GRK6: variants seen among roughly 807,000 people sequenced by gnomAD.
The protein encoded by GRK6 is G protein-coupled receptor kinase 6.
GRK6 carries 37 observed loss-of-function variants against 80.8 expected under a neutral mutation model. The ratio of observed to expected loss-of-function variants is 0.46; its 90% CI spans 0.35 to 0.60. GRK6 has a LOEUF of 0.60. Ranked by LOEUF, GRK6 falls within the 20% of genes least tolerant of loss-of-function variation. The pLI, the probability that GRK6 is intolerant of heterozygous loss-of-function variation, is 0.00. For synonymous variants in GRK6, 295 were observed against 320.9 expected (o/e 0.92, Z 0.86); for missense variants, 560 against 784.6 (o/e 0.71, Z 3.42).
intron 6 of GRK6, 52 bp downstream of exon 6, chr5:177,433,291 A>T: frequency 6.2e-7 from 1 of 1,613,728 alleles, no homozygotes; most frequent in Non-Finnish European, 8.5e-7. Flanking sequence ...GGGGTTCTTC[A>T]TAGGCCTTGG....
At position 177,428,735 on chromosome 5, in the gene GRK6, A is replaced by G. The variant is rs982258531; in HGVS notation, c.52+1838A>G. 6.6e-6 allele frequency among the ~76,000 whole-genome samples: 1 copy of G among 152,136 alleles called. No individual in the cohort carries two copies. Among genetic ancestry groups the G allele is most frequent in the Non-Finnish European group, 1.5e-5 (1 of 68,008 alleles). On this transcript the variant is annotated intron_variant, in intron 1 of 15. Transcript: ENST00000355472. This position sits in a 1 kb window ranked among gnomAD's most constrained non-coding sequence, Gnocchi z 4.1. ...GCCTGGCCGACCTGCATGACTTTAA[A>G]CATGTCTCTTCTTTCTCAACTTCAG... is the stretch of plus-strand genomic sequence containing the variant.
chr5:177,436,187 A>T lies in GRK6; in HGVS notation c.1172A>T (p.Lys391Met), dbSNP rs1351342998. 2 of 1,614,218 alleles carry T rather than the reference A, an allele frequency of 1.2e-6. No homozygotes were observed. Among genetic ancestry groups the T allele is most frequent in the Admixed American group, 1.7e-5 (1 of 60,036 alleles). Reference sequence around the variant, plus strand: ...TCGCCCTTCCAGCAGAGGAAGAAGAAGATCAAGCGGGAGGAGGTGGAGCGG... The same window carrying T: ...TCGCCCTTCCAGCAGAGGAAGAAGATGATCAAGCGGGAGGAGGTGGAGCGG... The part of the protein sequence containing the change: ...GQSPFQQRKK[K>M]IKREEVERLV... Residue 391 changes from lysine to methionine, a missense_variant, in exon 12 of 16, where the codon AAG becomes ATG. Physicochemically the swap from Lys to Met is moderately conservative, Grantham distance 95 (BLOSUM62 -1). Around this residue, in one of 3 missense-constraint regions of GRK6, gnomAD observed 294 missense variants for 397.4 expected, o/e 0.74. Transcript: ENST00000355472.
intron 6 of GRK6, 34 bp from the exon 7 acceptor site, chr5:177,433,313 C>T (rs1763996164): frequency 1.9e-6 from 3 of 1,613,908 alleles, no homozygotes; most frequent in Non-Finnish European, 1.7e-6. Context: ...CTCTCCTGCT[C>T]AGCCAGCGTT....
rs557116065 is a variant in GRK6 at position 177,431,829 on chromosome 5, A to G, written c.149-166A>G. On this transcript the variant is annotated intron_variant, in intron 2 of 15. Transcript: ENST00000355472. The stretch of plus-strand genomic sequence containing the variant: ...TCTCTGGGCCTCACAGCCCCAAAAC[A>G]GCTGTGCCCACCTGAGGGTTGTGGT... 6.3e-5 allele frequency: 41 copies of G among 652,004 alleles called. No individual in the cohort carries two copies. The African/African-American group carries it at 7.2e-4, about 11-fold the overall frequency. 40.4% of individuals were successfully genotyped at this position (652,004 alleles called of 1,614,324 possible).
At chr5:177,431,916 A>G in intron 2 of GRK6, 79 bp from the exon 3 acceptor site, 1 of 1,268,884 alleles carries the variant, frequency 7.9e-7, no homozygotes, top group Non-Finnish European at 1.1e-6. Flanking sequence ...GTGGGGGCCC[A>G]GGGCCTGGTG....
rs1764150482 is a variant in GRK6, at chr5:177,436,272, T to G, written c.1257T>G (p.Leu419=). ...GCTTTTCCCCGCAGGCCCGCTCACT[T>G]TGCTCACAGGTACGGCAGCTCACAG... ...SERFSPQARS[L]CSQLLCKDPA... The change falls in exon 12 of 16, where the codon CTT becomes CTG. Residue 419 remains leucine, a synonymous_variant. Coordinates refer to ENST00000355472, the MANE Select transcript of GRK6 (RefSeq NM_001004106.3). The G allele has an allele frequency of 1.2e-6, 2 of 1,613,962 alleles. No individual in the cohort carries two copies.
chr5:177,433,118 G>A, intron 5 of GRK6, 29 bp from the exon 6 acceptor site: 4 of 1,592,702 alleles, frequency 2.5e-6, no homozygotes, highest in Non-Finnish European at 3.4e-6. Context: ...GGGGCTGGCG[G>A]GTGAGCTGGG....
At chr5:177,440,668 T>G in intron 13 of GRK6, 32 bp from the exon 14 acceptor site, 2 of 1,611,074 alleles carry the variant, frequency 1.2e-6, no homozygotes, top group Non-Finnish European at 1.7e-6. Context: ...GTGTGTGTGT[T>G]TCCTATCTGA....
upstream of GRK6, chr5:177,426,353 C>T (rs1203238264): frequency 3.3e-5 from 5 of 152,292 alleles, no homozygotes; most frequent in Non-Finnish European, 7.3e-5. Context: ...TATTCGGCCT[C>T]CTGGGCGTGC....
rs757969134 is a variant in GRK6, at chr5:177,433,976, C to T, written c.801C>T (p.Asn267=). The T allele has an allele frequency of 4.8e-5, 77 of 1,612,148 alleles. No individual in the cohort carries two copies. In the Middle Eastern group the frequency reaches 6.6e-4, roughly 14 times the overall value. Reference sequence around the variant, plus strand: ...TGTGCCTGGTGCTGACACTGATGAACGGGGGCGACCTCAAGTTCCACATCT... The same window carrying T: ...TGTGCCTGGTGCTGACACTGATGAATGGGGGCGACCTCAAGTTCCACATCT... ...DALCLVLTLM[N]GGDLKFHIYH... is the part of the protein sequence containing the mutation. Residue 267 remains asparagine (N), a synonymous_variant, in exon 9 of 16, where the codon AAC becomes AAT. Transcript: ENST00000355472.
rs1477979405 is a variant in GRK6 at position 177,433,424 on chromosome 5, C to A, written c.597+14C>A. Reference sequence around the variant, plus strand: ...GGCTTTGGGGAGGTGAGTGGCCAGGCCAGAGCCCCTGGGAGAGTGAATAGG... The same window carrying A: ...GGCTTTGGGGAGGTGAGTGGCCAGGACAGAGCCCCTGGGAGAGTGAATAGG... On this transcript the variant is annotated intron_variant, in intron 7 of 15. Transcript: ENST00000355472. 6.2e-7 allele frequency: 1 copy of A among 1,612,670 alleles called. No individual in the cohort carries two copies. Among genetic ancestry groups the A allele is most frequent in the Non-Finnish European group, 8.5e-7 (1 of 1,179,206 alleles).
chr5:177,434,832 G>C (rs1040275494), intron 9 of GRK6, 70 bp from the exon 10 acceptor site: 11 of 1,560,262 alleles, frequency 7.1e-6, no homozygotes, highest in East Asian at 2.2e-5. Flanking sequence ...CGAGTGAGCT[G>C]GGGGGGCTGG....
At position 177,432,252 on chromosome 5, in the gene GRK6, C is replaced by T. The variant is rs755921293; in HGVS notation, c.281C>T (p.Pro94Leu). Residue 94 changes from proline (P) to leucine (L), a missense_variant, in exon 4 of 16, where the codon CCG becomes CTG. Physicochemically the swap from Pro to Leu is moderately conservative, Grantham distance 98. Transcript: ENST00000355472. Reference protein sequence around the residue: ...LDGVAEYEVTPDDKRKACGRQ... With the variant: ...LDGVAEYEVTLDDKRKACGRQ... The stretch of plus-strand genomic sequence containing the variant: ...CTGCAGGCCGAGTATGAAGTGACCC[C>T]GGATGACAAGCGGAAGGCATGTGGG... The T allele has an allele frequency of 4.3e-5, 70 of 1,613,508 alleles. No homozygotes were observed. Among genetic ancestry groups the T allele is most frequent in the Non-Finnish European group, 4.8e-5 (57 of 1,179,998 alleles).
intron 1 of GRK6, 41 bp downstream of exon 1, chr5:177,426,938 G>A: frequency 1.6e-6 from 2 of 1,273,982 alleles, no homozygotes; most frequent in Admixed American, 3.4e-5. Context: ...GGTGCGTGGA[G>A]CGCGAGTGCG....
At chr5:177,438,243 C>T (rs867452819) in intron 13 of GRK6, among the ~76,000 whole-genome samples, 2 of 152,134 alleles carry the variant, frequency 1.3e-5, no homozygotes, top group Admixed American at 6.5e-5. Context: ...TGGCGCATGC[C>T]TGTAATCCCA....
chr5:177,433,148 C>T lies in GRK6; in HGVS notation c.442C>T (p.Leu148=), dbSNP rs1323317452. Reference sequence around the variant, plus strand: ...GCTGGGCCTGCCTTTCCTCAACAGGCTGACCCACGAGTACCTGAGCGTGGC... The same window carrying T: ...GCTGGGCCTGCCTTTCCTCAACAGGTTGACCCACGAGTACCTGAGCGTGGC... ...CKDLFQELTR[L]THEYLSVAPF... is the part of the protein sequence containing the mutation. Residue 148 remains leucine, a splice_region_variant and synonymous_variant, in exon 6 of 16, where the codon CTG becomes TTG. Transcript: ENST00000355472. The T allele has an allele frequency of 1.2e-6, 2 of 1,613,358 alleles. No individual in the cohort carries two copies. Among genetic ancestry groups the T allele is most frequent in the South Asian group, 2.2e-5 (2 of 91,052 alleles).
In GRK6 at chr5:177,434,914, C is replaced by G. The variant is rs185662112; in HGVS notation, c.942C>G (p.Pro314=). The change falls in exon 10 of 16, where the codon CCC becomes CCG. Residue 314 remains proline (P), a synonymous_variant. Coordinates refer to ENST00000355472, the MANE Select transcript of GRK6 (RefSeq NM_001004106.3). ...RERIVYRDLK[P]ENILLDDHGH... Reference sequence around the variant, plus strand: ...TCTCTCTGCACAGGGACCTGAAGCCCGAGAACATCTTGCTGGATGACCACG... The same window carrying G: ...TCTCTCTGCACAGGGACCTGAAGCCGGAGAACATCTTGCTGGATGACCACG... 3.7e-6 allele frequency: 6 copies of G among 1,613,402 alleles called. No individual in the cohort carries two copies. In the East Asian group the frequency reaches 1.1e-4, roughly 30 times the overall value.
At chr5:177,441,398 G>GC (rs1764491770) in intron 15 of GRK6, 1 of 929,242 alleles carries the variant, frequency 1.1e-6, no homozygotes, top group Admixed American at 2.5e-5. Flanking sequence ...CTGCACCCTG[G>GC]CCCCTTCGAG....
intron 1 of GRK6, among the ~76,000 whole-genome samples, chr5:177,427,547 A>C (rs1269974567): frequency 3.9e-5 from 6 of 152,150 alleles, no homozygotes; most frequent in Non-Finnish European, 8.8e-5. Context: ...CTGGCTGGGG[A>C]AACCAGTCTG....
Sources: allele counts gnomAD v4.1 joint callset (sites outside exome capture counted in the v4.1 genomes callset), GRCh38; gene constraint gnomAD v4.1.1; regional missense constraint gnomAD v4.1.1; non-coding constraint Gnocchi (gnomAD v3.1); transcripts MANE v1.5; gene names NCBI Gene and HGNC (gene_info 2026-07-23, HGNC 2026-07-21).